Variants in ZDHHC17 observed in about 807,000 individuals in gnomAD.
The protein encoded by ZDHHC17 is palmitoyltransferase ZDHHC17.
In ZDHHC17, 40 loss-of-function variants were observed where a neutral mutation model predicts 90.3. That is an observed-to-expected ratio of 0.44 (90% CI 0.34 to 0.58). The LOEUF is 0.58. Among genes scored for constraint, ZDHHC17 ranks in the 20% least tolerant of loss-of-function variants. ZDHHC17 has a pLI of 0.01. For synonymous variants in ZDHHC17, 235 were observed against 252.4 expected, an observed-to-expected ratio of 0.93 and a Z score of 0.65; for missense variants, 614 against 780.8, an observed-to-expected ratio of 0.79 and a Z score of 2.55.
chr12:76,809,149 T>C (rs759077369), intron 4 of ZDHHC17, 29 bp downstream of exon 4: 4 of 1,486,652 alleles, frequency 2.7e-6, no homozygotes, highest in Non-Finnish European at 3.6e-6. Context: ...ATTTTTTTCC[T>C]TTGGTTCCTT....
chr12:76,852,232 A>G lies in ZDHHC17; in HGVS notation c.*1247A>G, dbSNP rs1014886901. The G allele has an allele frequency of 3.3e-5, 5 of 152,606 alleles. No individual in the cohort carries two copies. The highest frequency in any genetic ancestry group is 1.2e-4 in the African/African-American group (5 of 41,448). 9.5% of individuals were successfully genotyped at this position (152,606 alleles called of 1,614,324 possible). A position where few individuals can be genotyped will look rare whatever the true frequency, so the allele number is the denominator to read the frequency against. Reference sequence around the variant, plus strand: ...TTGTTTACAGGGTGAGATTTGGTTTATTCATCTTAAGTGCTGTAGCAAACT... The same window carrying G: ...TTGTTTACAGGGTGAGATTTGGTTTGTTCATCTTAAGTGCTGTAGCAAACT... On this transcript the variant is annotated 3_prime_UTR_variant, in exon 17 of 17. Transcript: ENST00000426126.
intron 1 of ZDHHC17, among the ~76,000 whole-genome samples, chr12:76,766,428 T>C (rs1952432114): frequency 6.6e-6 from 1 of 152,226 alleles, no homozygotes; most frequent in Admixed American, 6.5e-5. Context: ...TGAATACGTC[T>C]CTGAGTTCTA....
chr12:76,808,070 C>G (rs1442673031), intron 3 of ZDHHC17, among the ~76,000 whole-genome samples: 2 of 152,054 alleles, frequency 1.3e-5, no homozygotes, highest in African/African-American at 4.8e-5. Flanking sequence ...TTTAAAAGCA[C>G]CAATTTAAAC....
At chr12:76,774,232 A>G (rs1270747309) in intron 1 of ZDHHC17, among the ~76,000 whole-genome samples, 2 of 151,922 alleles carry the variant, frequency 1.3e-5, no homozygotes, top group African/African-American at 4.8e-5. Flanking sequence ...CCTGGATGAC[A>G]GAGTGAGACC....
At chr12:76,796,553 G>C (rs773484238) in intron 1 of ZDHHC17, among the ~76,000 whole-genome samples, 2 of 151,894 alleles carry the variant, frequency 1.3e-5, no homozygotes, top group Non-Finnish European at 2.9e-5. Context: ...TTTTTAAAAG[G>C]ATATTAACAT....
rs759178965 is a variant in ZDHHC17, at chr12:76,828,403, C to G, written c.1054C>G (p.His352Asp). ...TGTGTTTTACAGATCCTTTTTCGAT[C>G]ATTCAATGCATAGTGCATTGCCCCT... ...VQFLSKSFFDHSMHSALPLGI... is the reference protein window; with the variant it reads ...VQFLSKSFFDDSMHSALPLGI... Residue 352 changes from histidine (H) to aspartate (D), a missense_variant, in exon 10 of 17, where the codon CAT (histidine) becomes GAT (aspartate). Physicochemically the swap from His to Asp is moderately conservative, Grantham distance 81. Coordinates refer to ENST00000426126, the MANE Select transcript of ZDHHC17 (RefSeq NM_015336.4). 5.0e-6 allele frequency: 8 copies of G among 1,595,462 alleles called. No individual in the cohort carries two copies. The Admixed American group carries it at 1.4e-4, about 28-fold the overall frequency.
rs1431860630 is a variant in ZDHHC17 at position 76,853,014 on chromosome 12, A to G, written c.*2029A>G. On this transcript the variant is annotated 3_prime_UTR_variant, in exon 17 of 17. Coordinates refer to ENST00000426126, the MANE Select transcript of ZDHHC17 (RefSeq NM_015336.4). ...TTGCATTTTTATCGAATACATTTTTATCAACAGTTAAAGACTATGGTGGTT... is the reference window on the plus strand; with the variant it reads ...TTGCATTTTTATCGAATACATTTTTGTCAACAGTTAAAGACTATGGTGGTT... The G allele has an allele frequency of 6.6e-6, 1 of 152,452 alleles. No individual in the cohort carries two copies. The highest frequency in any genetic ancestry group is 1.5e-5 in the Non-Finnish European group (1 of 68,024). The allele number at this position is 152,452 out of a possible 1,614,324, so 9.4% of individuals were successfully genotyped here. A position where few individuals can be genotyped will look rare whatever the true frequency, so the allele number is the denominator to read the frequency against.
intron 2 of ZDHHC17, among the ~76,000 whole-genome samples, chr12:76,801,545 T>G (rs1952890013): frequency 1.3e-5 from 2 of 151,918 alleles, no homozygotes; most frequent in Non-Finnish European, 2.9e-5. Flanking sequence ...TCCCAGCTAC[T>G]CGGGAGGCTG....
At chr12:76,766,169 A>G (rs1952428538) in intron 1 of ZDHHC17, among the ~76,000 whole-genome samples, 1 of 152,234 alleles carries the variant, frequency 6.6e-6, no homozygotes, top group Admixed American at 6.5e-5. Flanking sequence ...TCAGGTTGCC[A>G]TTCGATAGAT....
chr12:76,787,200 C>T (rs967921635), intron 1 of ZDHHC17, among the ~76,000 whole-genome samples: 2 of 150,364 alleles, frequency 1.3e-5, no homozygotes, highest in Non-Finnish European at 3.0e-5. Context: ...GAACAGTTGG[C>T]CTGTGGTAGA....
chr12:76,811,375 C>G (rs1953016857), intron 5 of ZDHHC17, among the ~76,000 whole-genome samples: 1 of 150,806 alleles, frequency 6.6e-6, no homozygotes, highest in Non-Finnish European at 1.5e-5. Flanking sequence ...AATACACATT[C>G]ACTTTTTTAC....
intron 11 of ZDHHC17, 39 bp downstream of exon 11, chr12:76,842,145 C>T: frequency 1.3e-6 from 2 of 1,516,226 alleles, no homozygotes; most frequent in Non-Finnish European, 1.8e-6. Flanking sequence ...ATTTAACTGC[C>T]AGATTATCAG....
At chr12:76,846,551 G>GT in intron 13 of ZDHHC17, 45 bp from the exon 14 acceptor site, 1 of 1,511,466 alleles carries the variant, frequency 6.6e-7, no homozygotes, top group Non-Finnish European at 9.1e-7. Flanking sequence ...ATTACCCGTT[G>GT]TTTTTTTCTT....
intron 1 of ZDHHC17, among the ~76,000 whole-genome samples, chr12:76,794,200 A>G (rs183902554): frequency 2.4e-3 from 373 of 152,346 alleles, no homozygotes; most frequent in Non-Finnish European, 3.8e-3. Context: ...ACAGGATTTT[A>G]AAGAGTTTAA....
At chr12:76,809,217 CTTA>C in intron 4 of ZDHHC17, 97 bp downstream of exon 4, 1 of 714,992 alleles carries the variant, frequency 1.4e-6, no homozygotes, top group South Asian at 3.7e-5. Context: ...AATAGGAGAG[CTTA>C]TTATGCCGTT....
At chr12:76,800,914 G>T (rs192542457) in intron 2 of ZDHHC17, among the ~76,000 whole-genome samples, 1,586 of 126,406 alleles carry the variant, frequency 0.013, 11 homozygotes, top group Non-Finnish European at 0.018. Flanking sequence ...TTTAGACAGA[G>T]TCTTGCTCTA....
Position 76,764,150 on chromosome 12 carries a change from G to T in ZDHHC17, c.-87G>T. On this transcript the variant is annotated 5_prime_UTR_variant, in exon 1 of 17. Coordinates refer to ENST00000426126, the MANE Select transcript of ZDHHC17 (RefSeq NM_015336.4). Reference sequence around the variant, plus strand: ...CAGGAGAAGAAGGAGGAGGAGGCCCGCGTCGCCTCCGGCGGGGCTCGCGCT... The same window carrying T: ...CAGGAGAAGAAGGAGGAGGAGGCCCTCGTCGCCTCCGGCGGGGCTCGCGCT... 9.4e-7 allele frequency: 1 copy of T among 1,068,708 alleles called. No homozygotes were observed. The highest frequency in any genetic ancestry group is 1.3e-6 in the Non-Finnish European group (1 of 747,608). 66.2% of individuals were successfully genotyped at this position (1,068,708 alleles called of 1,614,324 possible).
At chr12:76,764,357 T>A (rs761245142) in intron 1 of ZDHHC17, 28 bp downstream of exon 1, 2 of 1,550,388 alleles carry the variant, frequency 1.3e-6, no homozygotes, top group South Asian at 1.2e-5. Context: ...GTGGATTCCT[T>A]GCCCTGCGGC....
At chr12:76,809,017 A>T in intron 3 of ZDHHC17, 26 bp from the exon 4 acceptor site, 1 of 1,364,708 alleles carries the variant, frequency 7.3e-7, no homozygotes, top group Non-Finnish European at 9.7e-7. Context: ...AAAGTTATTT[A>T]AATTATTATA....
Sources: allele counts gnomAD v4.1 joint callset (sites outside exome capture counted in the v4.1 genomes callset), GRCh38; gene constraint gnomAD v4.1.1; transcripts MANE v1.5; gene names NCBI Gene and HGNC (gene_info 2026-07-23, HGNC 2026-07-21).